The following ETV5 variants were observed in gnomAD, a reference collection of about 807,000 sequenced individuals.
ETV5 encodes the protein ETS variant transcription factor 5.
Under a neutral mutation model 70.0 loss-of-function variants are expected in ETV5, and 10 were observed. The ratio of observed to expected loss-of-function variants is 0.14; its 90% CI spans 0.09 to 0.24. The LOEUF (loss-of-function observed/expected upper bound fraction) is 0.24. Ranked by LOEUF, ETV5 falls within the 10% of genes least tolerant of loss-of-function variation. The probability of loss-of-function intolerance (pLI) is 1.00; values close to 1 mark genes in which losing one functional copy is unlikely to be tolerated. For missense variants in ETV5, 453 were observed against 651.2 expected (o/e 0.70, Z 3.31); for synonymous variants, 216 against 242.2 (o/e 0.89, Z 1.01).
At chr3:186,107,194 T>C (rs1296606345) in intron 1 of ETV5, among the ~76,000 whole-genome samples, 1 of 152,090 alleles carries the variant, frequency 6.6e-6, no homozygotes, top group Non-Finnish European at 1.5e-5. Context: ...AGGAGCAAAA[T>C]AGCACACAGT....
At chr3:186,103,620 AACACACACACACACACACACAC>A (rs10534124) in intron 5 of ETV5, among the ~76,000 whole-genome samples, 3 of 142,972 alleles carry the variant, frequency 2.1e-5, no homozygotes, top group Non-Finnish European at 3.1e-5. Context: ...TCATCTTGCA[AACACACACACACACACACACAC>A]ACACACACAC....
intron 5 of ETV5, among the ~76,000 whole-genome samples, chr3:186,092,085 T>C (rs1442780123): frequency 6.6e-6 from 1 of 152,170 alleles, no homozygotes; most frequent in Non-Finnish European, 1.5e-5. Context: ...TGTTAAAAAA[T>C]GCTAGGCACC....
chr3:186,079,291 C>T (rs950369074), intron 7 of ETV5: 1 of 230,498 alleles, frequency 4.3e-6, no homozygotes, highest in African/African-American at 2.2e-5. Context: ...GTAAAAACCA[C>T]CTGCAGTGTA....
chr3:186,098,284 A>T (rs938192077), intron 5 of ETV5, among the ~76,000 whole-genome samples: 1 of 152,252 alleles, frequency 6.6e-6, no homozygotes. Flanking sequence ...AACAGACTTC[A>T]GTGGTATTTC....
chr3:186,055,588 A>G (rs78158684), intron 11 of ETV5, among the ~76,000 whole-genome samples: 1,886 of 152,334 alleles, frequency 0.012, 30 homozygotes, highest in African/African-American at 0.043. Flanking sequence ...AGTGAATATA[A>G]AACAGGGAAC....
intron 6 of ETV5, chr3:186,080,420 A>C (rs1159853769): frequency 7.7e-5 from 19 of 245,856 alleles, no homozygotes; most frequent in Non-Finnish European, 6.3e-5. Context: ...GTGAGGGGAG[A>C]ATGTATGTTT....
At position 186,057,452 on chromosome 3, in the gene ETV5, T is replaced by C; in HGVS notation, c.1010A>G (p.Asp337Gly). The C allele has an allele frequency of 6.2e-7, 1 of 1,614,114 alleles. No individual in the cohort carries two copies. The highest frequency in any genetic ancestry group is 8.5e-7 in the Non-Finnish European group (1 of 1,180,008). ...CAGTCTCTCAGGCACAACACAAGTG[T>C]CGTCAAAGTATAATCGGGGATCTTT... ...YEKDPRLYFD[D>G]TCVVPERLEG... is the part of the protein sequence containing the mutation. Residue 337 changes from aspartate (D) to glycine (G), a missense_variant, in exon 10 of 13, where the codon GAC becomes GGC. Transcript: ENST00000306376. The surrounding 1 kb of genome is among the most constrained non-coding windows in gnomAD (Gnocchi z 4.9).
chr3:186,066,004 C>G lies in ETV5; in HGVS notation c.719G>C (p.Arg240Pro), dbSNP rs767684440. 6.2e-7 allele frequency: 1 copy of G among 1,609,552 alleles called. No individual in the cohort carries two copies. Among genetic ancestry groups the G allele is most frequent in the Admixed American group, 1.7e-5 (1 of 59,332 alleles). ...TGACATTTGCCGATGGTAACTGGGG[C>G]GATTATCTCCAGGAACTCCTGGCTG... ...PPQPGVPGDN[R>P]PSYHRQMSEP... Residue 240 changes from arginine to proline, a missense_variant, in exon 8 of 13, where the codon CGC (arginine) becomes CCC (proline). Physicochemically the swap from Arg to Pro is moderately radical, Grantham distance 103. Coordinates refer to ENST00000306376, the MANE Select transcript of ETV5 (RefSeq NM_004454.3).
rs190783412 is a variant in ETV5, at chr3:186,088,543, G to A, written c.233-7368C>T. Among the ~76,000 whole-genome samples the A allele has an allele frequency of 6.9e-4, 105 of 152,290 alleles. 1 individual carries two copies. The Middle Eastern group carries it at 0.031, about 44-fold the overall frequency. On this transcript the variant is annotated intron_variant, in intron 5 of 12. Coordinates refer to ENST00000306376, the MANE Select transcript of ETV5 (RefSeq NM_004454.3). ...AAGAATTACATACTGCATAGTCCAA[G>A]AATGGGGGTGGGAGGGGAGAGAAGT...
At chr3:186,062,455 T>C (rs1713327711) in intron 9 of ETV5, among the ~76,000 whole-genome samples, 1 of 152,126 alleles carries the variant, frequency 6.6e-6, no homozygotes, top group African/African-American at 2.4e-5. Flanking sequence ...ACCCCGTCTC[T>C]ACTAAAAATA....
At position 186,050,613 on chromosome 3, in the gene ETV5, C is replaced by T. The variant is rs548089607; in HGVS notation, c.1311+1417G>A. Among the ~76,000 whole-genome samples, 155 of 152,122 alleles carry T rather than the reference C, an allele frequency of 1.0e-3. 2 individuals carry two copies. Among genetic ancestry groups the T allele is most frequent in the Middle Eastern group, 3.4e-3 (1 of 294 alleles). On this transcript the variant is annotated intron_variant, in intron 12 of 12. Coordinates refer to ENST00000306376, the MANE Select transcript of ETV5 (RefSeq NM_004454.3). ...GTACAGCTCTGTGAAACCACTGGACCGTATACTTTAAAAAAAGGAGAGGTA... is the reference window on the plus strand; with the variant it reads ...GTACAGCTCTGTGAAACCACTGGACTGTATACTTTAAAAAAAGGAGAGGTA...
intron 5 of ETV5, among the ~76,000 whole-genome samples, chr3:186,093,398 G>A (rs2150152958): frequency 6.6e-6 from 1 of 152,226 alleles, no homozygotes; most frequent in Non-Finnish European, 1.5e-5. Flanking sequence ...GGAAGGGGAG[G>A]TGGTTTAAAG....
At chr3:186,085,539 G>T (rs1208899011) in intron 5 of ETV5, among the ~76,000 whole-genome samples, 2 of 128,392 alleles carry the variant, frequency 1.6e-5, no homozygotes, top group African/African-American at 3.0e-5. Context: ...ATAGAGTTTC[G>T]CCCTTGTTGC....
chr3:186,058,765 G>A (rs1387281076), intron 9 of ETV5, among the ~76,000 whole-genome samples: 1 of 152,170 alleles, frequency 6.6e-6, no homozygotes, highest in Admixed American at 6.5e-5. Context: ...TGTAATCTCA[G>A]CGCTTTGGGA....
At chr3:186,069,252 A>T (rs1329486866) in intron 7 of ETV5, among the ~76,000 whole-genome samples, 1 of 152,220 alleles carries the variant, frequency 6.6e-6, no homozygotes, top group Non-Finnish European at 1.5e-5. Flanking sequence ...TATCCCAGAC[A>T]TCAAAAGCCT....
At chr3:186,102,564 T>C (rs1272700203) in intron 5 of ETV5, among the ~76,000 whole-genome samples, 1 of 142,318 alleles carries the variant, frequency 7.0e-6, no homozygotes, top group African/African-American at 2.7e-5. Context: ...ACCTGGGACG[T>C]GGACATCCCA....
In ETV5 at chr3:186,101,762, CACT is replaced by C. The variant is rs1183520608; in HGVS notation, c.232+3540_232+3542del. Among the ~76,000 whole-genome samples, 15 of 152,316 alleles carry C rather than the reference CACT, an allele frequency of 9.8e-5. No individual in the cohort carries two copies. In the East Asian group the frequency reaches 2.9e-3, roughly 29 times the overall value. On this transcript the variant is annotated intron_variant, in intron 5 of 12. Coordinates refer to ENST00000306376, the MANE Select transcript of ETV5 (RefSeq NM_004454.3). ...TCACCTAAACCTTCCCATCTGCCCC[CACT>C]ACTGGTCAGTCTCTTCAGCTATTTG... is the stretch of plus-strand genomic sequence containing the variant.
At chr3:186,097,276 T>C (rs771305768) in intron 5 of ETV5, among the ~76,000 whole-genome samples, 6 of 152,142 alleles carry the variant, frequency 3.9e-5, no homozygotes, top group African/African-American at 1.4e-4. Context: ...AAAATACTTA[T>C]CTGACCACAG....
intron 5 of ETV5, among the ~76,000 whole-genome samples, chr3:186,096,240 C>G (rs1370778680): frequency 6.6e-6 from 1 of 152,066 alleles, no homozygotes; most frequent in Admixed American, 6.5e-5. Context: ...AAAGTTATCC[C>G]CCCTCAATTA....
Sources: allele counts gnomAD v4.1 joint callset (sites outside exome capture counted in the v4.1 genomes callset), GRCh38; gene constraint gnomAD v4.1.1; non-coding constraint Gnocchi (gnomAD v3.1); transcripts MANE v1.5; gene names NCBI Gene and HGNC (gene_info 2026-07-23, HGNC 2026-07-21).